The following CHIC1 variants were observed in gnomAD, a reference collection of about 807,000 sequenced individuals.
CHIC1 encodes the protein cysteine rich hydrophobic domain 1, also known as cysteine-rich hydrophobic domain-containing protein 1.
In CHIC1, 7 loss-of-function variants were observed where a neutral mutation model predicts 18.5. The ratio of observed to expected loss-of-function variants is 0.38; its 90% CI spans 0.22 to 0.71. The LOEUF is 0.71. Ranked by LOEUF, CHIC1 falls within the 30% of genes least tolerant of loss-of-function variation. The probability of loss-of-function intolerance (pLI) is 0.49; values close to 1 mark genes in which losing one functional copy is unlikely to be tolerated. For synonymous variants in CHIC1, 77 were observed against 73.5 expected, an observed-to-expected ratio of 1.05 and a Z score of -0.25; for missense variants, 159 against 176.9, an observed-to-expected ratio of 0.90 and a Z score of 0.57.
intron 3 of CHIC1, among the ~76,000 whole-genome samples, chrX:73,676,036 C>A (rs1028740797): frequency 1.8e-5 from 2 of 111,819 alleles, no homozygotes; most frequent in African/African-American, 6.5e-5. Context: ...AAATTCTTTT[C>A]TTTAAGAATG....
At chrX:73,649,604 TAATGCTAAAAGGATC>T (rs1274986099) in intron 3 of CHIC1, among the ~76,000 whole-genome samples, 1 of 112,021 alleles carries the variant, frequency 8.9e-6, no homozygotes, top group East Asian at 2.8e-4. Context: ...GGACATTACA[TAATGCTAAAAGGATC>T]AATGCAACAA....
intron 3 of CHIC1, among the ~76,000 whole-genome samples, chrX:73,633,112 T>C (rs1455423968): frequency 9.0e-6 from 1 of 111,285 alleles, no homozygotes; most frequent in Non-Finnish European, 1.9e-5. Context: ...TACTGTGAGT[T>C]TTATACTTTT....
chrX:73,628,515 C>T (rs1485691968), intron 3 of CHIC1, among the ~76,000 whole-genome samples: 1 of 111,742 alleles, frequency 8.9e-6, no homozygotes. Flanking sequence ...ATGCTCCCTC[C>T]GTGAGTGGGT....
At chrX:73,661,472 A>G (rs751748578) in intron 3 of CHIC1, among the ~76,000 whole-genome samples, 16 of 111,852 alleles carry the variant, frequency 1.4e-4, no homozygotes, top group African/African-American at 2.6e-4. Context: ...AGTTTCTCCA[A>G]TTTTGGTGGA....
At chrX:73,650,517 A>G (rs189535108) in intron 3 of CHIC1, among the ~76,000 whole-genome samples, 148 of 111,005 alleles carry the variant, frequency 1.3e-3, no homozygotes, top group African/African-American at 4.6e-3. Flanking sequence ...GACCGCACAG[A>G]AATAGAAACT....
intron 3 of CHIC1, among the ~76,000 whole-genome samples, chrX:73,616,811 G>T (rs1347577074): frequency 9.0e-6 from 1 of 111,585 alleles, no homozygotes; most frequent in Non-Finnish European, 1.9e-5. Context: ...GGTCCCCTAG[G>T]CCTGGCCCAC....
rs750188611 is a variant in CHIC1, at chrX:73,603,100, G to A, written c.507+18528G>A. Among the ~76,000 whole-genome samples, 6 of 108,132 alleles carry A rather than the reference G, an allele frequency of 5.5e-5. No individual in the cohort carries two copies. The South Asian group carries it at 1.5e-3, about 28-fold the overall frequency. 93.9% of individuals were successfully genotyped at this position (108,132 alleles called of 115,157 possible). On this transcript the variant is annotated intron_variant, in intron 3 of 5. Transcript: ENST00000373502. Reference sequence around the variant, plus strand: ...TATCATTGAATCTATAAATTACTTCGGGCAGTATGGCCATTTTCACGATAT... The same window carrying A: ...TATCATTGAATCTATAAATTACTTCAGGCAGTATGGCCATTTTCACGATAT...
chrX:73,626,541 G>A (rs768252729), intron 3 of CHIC1, among the ~76,000 whole-genome samples: 1 of 109,835 alleles, frequency 9.1e-6, no homozygotes, highest in African/African-American at 3.3e-5. Flanking sequence ...TCTTCAAAAA[G>A]CTAGTTCTTG....
intron 3 of CHIC1, among the ~76,000 whole-genome samples, chrX:73,614,893 T>C (rs1421752882): frequency 9.0e-6 from 1 of 110,966 alleles, no homozygotes; most frequent in African/African-American, 3.3e-5. Context: ...TGGAGCCTGT[T>C]CCTGGAGAAT....
intron 1 of CHIC1, among the ~76,000 whole-genome samples, chrX:73,568,814 C>T (rs1030072587): frequency 9.0e-6 from 1 of 111,266 alleles, no homozygotes; most frequent in African/African-American, 3.3e-5. Context: ...AAAAGATGGC[C>T]AATTTTGCCA....
At chrX:73,567,654 T>C (rs954929721) in intron 1 of CHIC1, among the ~76,000 whole-genome samples, 1 of 111,198 alleles carries the variant, frequency 9.0e-6, no homozygotes, top group African/African-American at 3.3e-5. Context: ...CTTTTCCTAC[T>C]TAAGATTATC....
intron 3 of CHIC1, among the ~76,000 whole-genome samples, chrX:73,645,248 T>C (rs984714936): frequency 8.9e-6 from 1 of 112,453 alleles, no homozygotes; most frequent in African/African-American, 3.2e-5. Flanking sequence ...GAATTTTCTT[T>C]TCTTAATGCT....
In CHIC1 at chrX:73,581,243, G is replaced by C. The variant is rs1047051245; in HGVS notation, c.352-3174G>C. On this transcript the variant is annotated intron_variant, in intron 2 of 5. Transcript: ENST00000373502. The stretch of plus-strand genomic sequence containing the variant: ...GATCAGTCCTGCTGCGGTTTGCTTA[G>C]AGTTTCTTCTGTTTACAGAGTCTCT... Among the ~76,000 whole-genome samples, 6 of 110,848 alleles carry C rather than the reference G, an allele frequency of 5.4e-5. No homozygotes were observed. The Admixed American group carries it at 5.8e-4, about 11-fold the overall frequency.
intron 3 of CHIC1, among the ~76,000 whole-genome samples, chrX:73,628,599 T>A (rs955948785): frequency 9.0e-6 from 1 of 111,307 alleles, no homozygotes; most frequent in African/African-American, 3.3e-5. Flanking sequence ...GCCTCACACT[T>A]GCTGTGTTCT....
At chrX:73,657,426 T>C (rs1200932019) in intron 3 of CHIC1, among the ~76,000 whole-genome samples, 2 of 111,698 alleles carry the variant, frequency 1.8e-5, no homozygotes, top group African/African-American at 6.5e-5. Context: ...TTGGCTTGCC[T>C]GTTGTTGGTG....
intron 3 of CHIC1, among the ~76,000 whole-genome samples, chrX:73,587,807 T>G (rs2057560455): frequency 8.9e-6 from 1 of 111,734 alleles, no homozygotes; most frequent in African/African-American, 3.2e-5. Context: ...AAAGACAACA[T>G]GCATAAAGTG....
chrX:73,638,099 C>T (rs758258375), intron 3 of CHIC1, among the ~76,000 whole-genome samples: 1 of 111,703 alleles, frequency 9.0e-6, no homozygotes, highest in Non-Finnish European at 1.9e-5. Context: ...ATGCATCTTG[C>T]CTGGGCCTGT....
Position 73,629,013 on chromosome X carries a change from G to A in CHIC1, c.507+44441G>A, listed in dbSNP as rs1393057287. Among the ~76,000 whole-genome samples, 4 of 110,708 alleles carry A rather than the reference G, an allele frequency of 3.6e-5. No homozygotes were observed. In the East Asian group the frequency reaches 1.1e-3, roughly 31 times the overall value. On this transcript the variant is annotated intron_variant, in intron 3 of 5. Transcript: ENST00000373502. ...CTTGTTATCTTTTTTTAAATAATAG[G>A]CATCCTAATAGGTTTTAGGTAATAC...
At chrX:73,572,091 T>A (rs2057473547) in intron 1 of CHIC1, among the ~76,000 whole-genome samples, 1 of 111,282 alleles carries the variant, frequency 9.0e-6, no homozygotes, top group African/African-American at 3.3e-5. Flanking sequence ...TAGGTAGTTT[T>A]ACAACCCTTA....
Sources: allele counts gnomAD v4.1 joint callset (sites outside exome capture counted in the v4.1 genomes callset), GRCh38; gene constraint gnomAD v4.1.1; transcripts MANE v1.5; gene names NCBI Gene and HGNC (gene_info 2026-07-23, HGNC 2026-07-21).